The following CAMTA1 variants were observed in gnomAD, a reference collection of about 807,000 sequenced individuals.
The protein encoded by CAMTA1 is calmodulin-binding transcription activator 1.
In CAMTA1, 27 loss-of-function variants were observed where a neutral mutation model predicts 170.9. The observed-to-expected ratio is 0.16, with a 90% CI of 0.12 to 0.22. CAMTA1 has a LOEUF of 0.22. CAMTA1 is among the 10% of genes least tolerant of loss of function. The pLI is 1.00. For synonymous variants in CAMTA1, 833 were observed against 891.5 expected (o/e 0.93, Z 1.17); for missense variants, 1,619 against 2,217.2 (o/e 0.73, Z 5.42).
intron 3 of CAMTA1, among the ~76,000 whole-genome samples, chr1:6,978,928 C>A (rs1693945800): frequency 6.6e-6 from 1 of 152,118 alleles, no homozygotes; most frequent in East Asian, 1.9e-4. Flanking sequence ...TGTCTCCACA[C>A]CCGTCAGTAA....
chr1:7,149,527 T>A (rs1444617445), intron 4 of CAMTA1, among the ~76,000 whole-genome samples: 3 of 152,218 alleles, frequency 2.0e-5, no homozygotes, highest in Non-Finnish European at 4.4e-5. Flanking sequence ...GCGGGTCAGG[T>A]GCTTCACCTT....
At chr1:7,601,702 G>C (rs982341908) in intron 6 of CAMTA1, among the ~76,000 whole-genome samples, 1 of 152,244 alleles carries the variant, frequency 6.6e-6, no homozygotes, top group Non-Finnish European at 1.5e-5. Context: ...ACCTCGGGAG[G>C]CCGAGGCTGG....
chr1:6,825,998 TTCCA>T (rs1647059483), intron 3 of CAMTA1, among the ~76,000 whole-genome samples: 1 of 152,230 alleles, frequency 6.6e-6, no homozygotes, highest in Non-Finnish European at 1.5e-5. Context: ...TTTTGCCAAG[TTCCA>T]TTTGTGTGCC....
intron 6 of CAMTA1, among the ~76,000 whole-genome samples, chr1:7,480,806 C>A (rs2093519061): frequency 6.6e-6 from 1 of 152,176 alleles, no homozygotes; most frequent in South Asian, 2.1e-4. Flanking sequence ...CCAGTGCCAA[C>A]TGTATGCTAG....
At chr1:6,867,234 T>C (rs1666885107) in intron 3 of CAMTA1, among the ~76,000 whole-genome samples, 1 of 152,168 alleles carries the variant, frequency 6.6e-6, no homozygotes, top group Non-Finnish European at 1.5e-5. Context: ...TTCTCCTCCT[T>C]TTGTGAAAGC....
At chr1:6,838,128 T>C (rs1654041008) in intron 3 of CAMTA1, among the ~76,000 whole-genome samples, 1 of 152,126 alleles carries the variant, frequency 6.6e-6, no homozygotes, top group South Asian at 2.1e-4. Context: ...AAGACTTCTG[T>C]CAACAAATAT....
intron 4 of CAMTA1, among the ~76,000 whole-genome samples, chr1:7,097,982 A>T (rs1358960812): frequency 6.6e-6 from 1 of 152,180 alleles, no homozygotes; most frequent in Non-Finnish European, 1.5e-5. Context: ...AAAAATGGTG[A>T]AAGTGGTACA....
chr1:7,601,802 A>G (rs1483682020), intron 6 of CAMTA1, among the ~76,000 whole-genome samples: 6 of 151,670 alleles, frequency 4.0e-5, no homozygotes, highest in East Asian at 3.9e-4. Flanking sequence ...CCAGTCAGGC[A>G]TGGCGGCGCG....
chr1:6,790,233 T>G lies in CAMTA1; in HGVS notation c.45+4658T>G, dbSNP rs1372165406. On this transcript the variant is annotated intron_variant, in intron 1 of 22. Transcript: ENST00000303635. Reference sequence around the variant, plus strand: ...GGATTGTTAACTTACAAAGATATAGTGTAATAGTGTGCTATCTTGTTGAAC... The same window carrying G: ...GGATTGTTAACTTACAAAGATATAGGGTAATAGTGTGCTATCTTGTTGAAC... Among the ~76,000 whole-genome samples the G allele has an allele frequency of 3.3e-5, 5 of 152,026 alleles. No individual in the cohort carries two copies. The South Asian group carries it at 1.0e-3, about 32-fold the overall frequency.
At chr1:6,889,148 G>T (rs1425954926) in intron 3 of CAMTA1, among the ~76,000 whole-genome samples, 1 of 152,144 alleles carries the variant, frequency 6.6e-6, no homozygotes, top group Admixed American at 6.5e-5. Flanking sequence ...TTAAATAAAA[G>T]CAAAGGCTAA....
intron 3 of CAMTA1, among the ~76,000 whole-genome samples, chr1:6,999,863 TC>T (rs1697947050): frequency 1.3e-5 from 2 of 152,022 alleles, no homozygotes; most frequent in African/African-American, 4.8e-5. Context: ...TAAAATCTGG[TC>T]TTGATCATTC....
At chr1:7,414,243 G>C (rs1373427516) in intron 5 of CAMTA1, among the ~76,000 whole-genome samples, 1 of 152,148 alleles carries the variant, frequency 6.6e-6, no homozygotes, top group African/African-American at 2.4e-5. Context: ...TCTCTGCCAG[G>C]CTTTGGTATC....
intron 3 of CAMTA1, among the ~76,000 whole-genome samples, chr1:6,870,195 G>A (rs191004617): frequency 7.2e-5 from 11 of 152,156 alleles, no homozygotes; most frequent in African/African-American, 2.6e-4. Flanking sequence ...CTAAAACAAC[G>A]TATGCATTGT....
chr1:7,491,854 A>G (rs1340277264), intron 6 of CAMTA1, among the ~76,000 whole-genome samples: 1 of 152,200 alleles, frequency 6.6e-6, no homozygotes, highest in East Asian at 1.9e-4. Context: ...ATGATGGAAA[A>G]TGCAAACTTA....
At position 6,918,009 on chromosome 1, in the gene CAMTA1, T is replaced by G. The variant is rs2149307366; in HGVS notation, c.234+92799T>G. Among the ~76,000 whole-genome samples the G allele has an allele frequency of 6.6e-6, 1 of 152,110 alleles. No individual in the cohort carries two copies. The highest frequency in any genetic ancestry group is 1.9e-4 in the East Asian group (1 of 5,164). On this transcript the variant is annotated intron_variant, in intron 3 of 22. Coordinates refer to ENST00000303635, the MANE Select transcript of CAMTA1 (RefSeq NM_015215.4). The surrounding 1 kb of genome is among the most constrained non-coding windows in gnomAD (Gnocchi z 4.0). ...TGTCCATGCTGTCTGGGACCTAGGC[T>G]GGGTGGGGCTGGGTTAGGCCTCACA...
chr1:7,189,313 G>C (rs1654074210), intron 4 of CAMTA1, among the ~76,000 whole-genome samples: 1 of 152,182 alleles, frequency 6.6e-6, no homozygotes, highest in South Asian at 2.1e-4. Flanking sequence ...ATCTGTAAGT[G>C]CTGGCATTGA....
At chr1:7,708,632 T>A (rs1384477286) in intron 11 of CAMTA1, among the ~76,000 whole-genome samples, 1 of 152,238 alleles carries the variant, frequency 6.6e-6, no homozygotes, top group Non-Finnish European at 1.5e-5. Context: ...TTTGCTTAAT[T>A]TTATATTGTC....
intron 5 of CAMTA1, among the ~76,000 whole-genome samples, chr1:7,407,566 C>A (rs989054094): frequency 6.6e-6 from 1 of 152,180 alleles, no homozygotes; most frequent in Admixed American, 6.5e-5. Flanking sequence ...CCTCCCCACC[C>A]CCAAATGCAA....
At chr1:6,995,071 T>C (rs777566347) in intron 3 of CAMTA1, among the ~76,000 whole-genome samples, 2 of 152,156 alleles carry the variant, frequency 1.3e-5, no homozygotes, top group Non-Finnish European at 2.9e-5. Flanking sequence ...ATTGTCTTCT[T>C]CTGGGACTTC....
Sources: allele counts gnomAD v4.1 joint callset (sites outside exome capture counted in the v4.1 genomes callset), GRCh38; gene constraint gnomAD v4.1.1; non-coding constraint Gnocchi (gnomAD v3.1); transcripts MANE v1.5; gene names NCBI Gene and HGNC (gene_info 2026-07-23, HGNC 2026-07-21).